Variants in FAM13C observed in about 807,000 individuals in gnomAD.
The protein encoded by FAM13C is family with sequence similarity 13 member C.
Under a neutral mutation model 73.2 loss-of-function variants are expected in FAM13C, and 37 were observed. The ratio of observed to expected loss-of-function variants is 0.51; its 90% CI spans 0.39 to 0.67. The LOEUF is 0.67. Among genes scored for constraint, FAM13C ranks in the 30% least tolerant of loss-of-function variants. FAM13C has a pLI of 0.00. For synonymous variants in FAM13C, 246 were observed against 260.9 expected (o/e 0.94, Z 0.55); for missense variants, 589 against 715.6 (o/e 0.82, Z 2.02).
At chr10:59,270,217 G>C (rs928311040) in intron 6 of FAM13C, 108 bp from the exon 7 acceptor site, 1 of 1,071,236 alleles carries the variant, frequency 9.3e-7, no homozygotes, top group African/African-American at 1.6e-5. Context: ...TTGCCTCTTT[G>C]TCATTTCTTC....
At chr10:59,360,005 GA>G (rs1250166998) in intron 1 of FAM13C, among the ~76,000 whole-genome samples, 1 of 152,198 alleles carries the variant, frequency 6.6e-6, no homozygotes, top group Non-Finnish European at 1.5e-5. Flanking sequence ...CCATTGTGAT[GA>G]AAACATTGGG....
intron 11 of FAM13C, chr10:59,254,110 T>C: frequency 2.5e-6 from 1 of 392,384 alleles, no homozygotes; most frequent in Admixed American, 4.4e-5. Flanking sequence ...AATGTTAAAA[T>C]TGGCTCTAGA....
chr10:59,278,553 A>C (rs1277697641), intron 6 of FAM13C, among the ~76,000 whole-genome samples: 2 of 152,148 alleles, frequency 1.3e-5, no homozygotes, highest in African/African-American at 4.8e-5. Flanking sequence ...TTATTTCAGG[A>C]TGTTTAACAG....
rs761759362 is a variant in FAM13C at position 59,302,813 on chromosome 10, C to T, written c.495G>A (p.Gln165=). 2 of 1,614,056 alleles carry T rather than the reference C, an allele frequency of 1.2e-6. No homozygotes were observed. Among genetic ancestry groups the T allele is most frequent in the East Asian group, 2.2e-5 (1 of 44,884 alleles). The part of the protein sequence containing the change: ...ISPKDAFETR[Q]DLNEEEAAQV... ...TGATTGCACGTACCTCATTTAAGTCCTGCCGAGTTTCAAAAGCATCCTTTG... is the reference window on the plus strand; with the variant it reads ...TGATTGCACGTACCTCATTTAAGTCTTGCCGAGTTTCAAAAGCATCCTTTG... The change falls in exon 5 of 14, where the codon CAG becomes CAA. Residue 165 remains glutamine, a synonymous_variant. Coordinates refer to ENST00000618804, the MANE Select transcript of FAM13C (RefSeq NM_198215.4).
At chr10:59,354,897 C>A (rs1855518208) in intron 2 of FAM13C, among the ~76,000 whole-genome samples, 1 of 151,968 alleles carries the variant, frequency 6.6e-6, no homozygotes, top group South Asian at 2.1e-4. Flanking sequence ...ACTTGCTGTT[C>A]CTGCAACTCA....
intron 4 of FAM13C, among the ~76,000 whole-genome samples, chr10:59,303,307 A>C: frequency 6.6e-6 from 1 of 151,094 alleles, no homozygotes; most frequent in Non-Finnish European, 1.5e-5. Context: ...CCTCACCCTC[A>C]CTCTCTAGCA....
chr10:59,254,445 T>TAA lies in FAM13C; in HGVS notation c.1237-3_1237-2insTT. The TAA allele has an allele frequency of 2.1e-6, 3 of 1,455,828 alleles. No homozygotes were observed. The African/African-American group carries it at 4.3e-5, about 21-fold the overall frequency. 90.2% of individuals were successfully genotyped at this position (1,455,828 alleles called of 1,614,324 possible). On this transcript the variant is annotated splice_polypyrimidine_tract_variant and splice_region_variant and intron_variant, in intron 10 of 13. Coordinates refer to ENST00000618804, the MANE Select transcript of FAM13C (RefSeq NM_198215.4). ...GAGGTTCTTGTCTTGCTTAGTTACC[T>TAA]GAAAAACATGAAATTAATTATTATT...
chr10:59,311,125 C>A (rs2133931321), intron 4 of FAM13C, among the ~76,000 whole-genome samples: 1 of 152,280 alleles, frequency 6.6e-6, no homozygotes, highest in South Asian at 2.1e-4. Context: ...CAGGGCAGCC[C>A]AGCTGTCCTG....
At chr10:59,249,146 T>C (rs1191218598) in intron 13 of FAM13C, among the ~76,000 whole-genome samples, 2 of 152,332 alleles carry the variant, frequency 1.3e-5, no homozygotes, top group South Asian at 2.1e-4. Context: ...GGCTCACGCC[T>C]GTAATCCCAG....
intron 5 of FAM13C, among the ~76,000 whole-genome samples, chr10:59,293,126 T>C (rs775582054): frequency 7.4e-6 from 1 of 134,320 alleles, no homozygotes; most frequent in Non-Finnish European, 1.5e-5. Context: ...CAGGATGGAG[T>C]GCAGTGGTGC....
In FAM13C at chr10:59,261,580, G is replaced by A. The variant is rs1842505771; in HGVS notation, c.1236+854C>T. Among the ~76,000 whole-genome samples the A allele has an allele frequency of 2.0e-5, 3 of 152,136 alleles. No individual in the cohort carries two copies. The South Asian group carries it at 6.2e-4, about 32-fold the overall frequency. ...ACCTACTATGTGCAGAAAAGGGGAG[G>A]TCATGACCTATAAATAGTGCTTCCA... On this transcript the variant is annotated intron_variant, in intron 10 of 13. Transcript: ENST00000618804.
At chr10:59,315,602 A>AG (rs1413876879) in intron 4 of FAM13C, among the ~76,000 whole-genome samples, 2 of 152,206 alleles carry the variant, frequency 1.3e-5, no homozygotes, top group Non-Finnish European at 2.9e-5. Flanking sequence ...GACATGAATG[A>AG]GGCATCCCAC....
chr10:59,355,099 A>T (rs1262705751), intron 2 of FAM13C, among the ~76,000 whole-genome samples: 1 of 152,134 alleles, frequency 6.6e-6, no homozygotes, highest in African/African-American at 2.4e-5. Flanking sequence ...GGGCTGTTTG[A>T]TTCTTCTAAG....
At chr10:59,257,102 A>C (rs1842019087) in intron 10 of FAM13C, among the ~76,000 whole-genome samples, 1 of 152,230 alleles carries the variant, frequency 6.6e-6, no homozygotes, top group Admixed American at 6.5e-5. Flanking sequence ...ATAAACTTTA[A>C]AAGATGATTA....
intron 7 of FAM13C, 109 bp downstream of exon 7, chr10:59,269,790 C>T (rs776959373): frequency 1.2e-5 from 15 of 1,297,190 alleles, no homozygotes; most frequent in Admixed American, 2.1e-5. Context: ...CTCGCAGTTG[C>T]GTTAGGCAGG....
chr10:59,262,321 C>A, intron 10 of FAM13C, 113 bp downstream of exon 10: 1 of 945,270 alleles, frequency 1.1e-6, no homozygotes. Flanking sequence ...AATTTTGGAG[C>A]CAGGCTAATA....
chr10:59,286,019 C>T (rs1218106153), intron 5 of FAM13C, among the ~76,000 whole-genome samples: 1 of 152,162 alleles, frequency 6.6e-6, no homozygotes, highest in Non-Finnish European at 1.5e-5. Flanking sequence ...GCCCAAGTGT[C>T]CATGAGCGGA....
At chr10:59,326,080 A>C (rs1439746226) in intron 3 of FAM13C, among the ~76,000 whole-genome samples, 1 of 152,020 alleles carries the variant, frequency 6.6e-6, no homozygotes, top group Non-Finnish European at 1.5e-5. Context: ...TAACTCTTTG[A>C]ATCTTCAAAA....
chr10:59,258,096 T>C (rs1460394464), intron 10 of FAM13C, among the ~76,000 whole-genome samples: 1 of 152,194 alleles, frequency 6.6e-6, no homozygotes, highest in South Asian at 2.1e-4. Context: ...AAGCTCTCTA[T>C]GTCTTGATAT....
Sources: allele counts gnomAD v4.1 joint callset (sites outside exome capture counted in the v4.1 genomes callset), GRCh38; gene constraint gnomAD v4.1.1; transcripts MANE v1.5; gene names NCBI Gene and HGNC (gene_info 2026-07-23, HGNC 2026-07-21).